GRAMD1B: variants seen among roughly 807,000 people sequenced by gnomAD.
The protein encoded by GRAMD1B is protein Aster-B.
In GRAMD1B, 37 loss-of-function variants were observed where a neutral mutation model predicts 99.7. The observed-to-expected ratio is 0.37, with a 90% CI of 0.29 to 0.49. The LOEUF is 0.49. Ranked by LOEUF, GRAMD1B falls within the 20% of genes least tolerant of loss-of-function variation. GRAMD1B has a pLI of 0.98. For synonymous variants in GRAMD1B, 427 were observed against 387.6 expected (o/e 1.10, Z -1.19); for missense variants, 888 against 1,009.2 (o/e 0.88, Z 1.63).
chr11:123,474,422 G>A (rs561312221), intron 1 of GRAMD1B, among the ~76,000 whole-genome samples: 3 of 152,262 alleles, frequency 2.0e-5, no homozygotes, highest in Non-Finnish European at 2.9e-5. Flanking sequence ...TCTCTCTGAC[G>A]CCATATCCTG....
chr11:123,515,860 G>A (rs1007575112), intron 2 of GRAMD1B, among the ~76,000 whole-genome samples: 3 of 151,418 alleles, frequency 2.0e-5, no homozygotes, highest in East Asian at 1.9e-4. Context: ...TTCCGCCTCC[G>A]GGGCTCCAGC....
chr11:123,368,275 A>AAAAAAAAGAAAG (rs60644137), intron 1 of GRAMD1B, among the ~76,000 whole-genome samples: 29 of 127,108 alleles, frequency 2.3e-4, no homozygotes, highest in South Asian at 4.7e-4. Context: ...AAAAAAAAAA[A>AAAAAAAAGAAAG]AAAGAAAGAA....
At chr11:123,375,419 G>A (rs1049947497) in intron 1 of GRAMD1B, among the ~76,000 whole-genome samples, 1 of 152,042 alleles carries the variant, frequency 6.6e-6, no homozygotes, top group African/African-American at 2.4e-5. Flanking sequence ...AAGAGAGAGA[G>A]ACAAGCAAGC....
At chr11:123,581,605 C>T (rs1347578463) in intron 3 of GRAMD1B, among the ~76,000 whole-genome samples, 2 of 152,172 alleles carry the variant, frequency 1.3e-5, no homozygotes, top group African/African-American at 4.8e-5. Flanking sequence ...TCCTGTGGCC[C>T]CTCAGTGGCA....
chr11:123,430,948 G>A lies in GRAMD1B; in HGVS notation c.156G>A (p.Gln52=), dbSNP rs1234265895. The A allele has an allele frequency of 4.3e-6, 3 of 702,866 alleles. No individual in the cohort carries two copies. The highest frequency in any genetic ancestry group is 2.0e-5 in the Admixed American group (1 of 50,024). The allele number at this position is 702,866 out of a possible 1,614,324, so 43.5% of individuals were successfully genotyped here. A position where few individuals can be genotyped will look rare whatever the true frequency, so the allele number is the denominator to read the frequency against. The change falls in exon 1 of 20, where the codon CAG becomes CAA. Residue 52 remains glutamine (Q), a synonymous_variant. Transcript: ENST00000635736. ...AGATGCGCCGCATGAAGAACGTACA[G>A]GAGCAGAGCCTGGAGGCCGGGCTGG... The part of the protein sequence containing the change: ...RFKMRRMKNV[Q]EQSLEAGLAR...
intron 7 of GRAMD1B, chr11:123,598,146 T>C: frequency 6.3e-7 from 1 of 1,576,378 alleles, no homozygotes; most frequent in South Asian, 1.1e-5. Flanking sequence ...AAACACCTCA[T>C]GCCATGCCAT....
intron 2 of GRAMD1B, chr11:123,560,368 A>C: frequency 8.5e-7 from 1 of 1,176,968 alleles, no homozygotes; most frequent in South Asian, 1.6e-5. Context: ...ACCAAATAAC[A>C]GCAGCAGAGG....
Position 123,624,950 on chromosome 11 carries a change from C to T in GRAMD1B, c.*2355C>T, listed in dbSNP as rs1193777719. 1 of 152,110 alleles carries T rather than the reference C, an allele frequency of 6.6e-6. No homozygotes were observed. The highest frequency in any genetic ancestry group is 6.5e-5 in the Admixed American group (1 of 15,268). 9.4% of individuals were successfully genotyped at this position (152,110 alleles called of 1,614,324 possible). ...GTACTGAGTATGTCAGAAGAGCCCT[C>T]CTGGTTTTTTAGCGATTTGAACCCA... On this transcript the variant is annotated 3_prime_UTR_variant, in exon 20 of 20. Coordinates refer to ENST00000635736, the MANE Select transcript of GRAMD1B (RefSeq NM_001387025.1).
intron 2 of GRAMD1B, among the ~76,000 whole-genome samples, chr11:123,559,121 G>A (rs1475183504): frequency 1.3e-5 from 2 of 152,214 alleles, no homozygotes; most frequent in African/African-American, 4.8e-5. Flanking sequence ...GAATAGCAAC[G>A]TGGGCATCGC....
intron 2 of GRAMD1B, among the ~76,000 whole-genome samples, chr11:123,500,739 C>G (rs937460430): frequency 1.3e-5 from 2 of 151,950 alleles, no homozygotes; most frequent in Non-Finnish European, 2.9e-5. Flanking sequence ...GTGGCGCGAT[C>G]GCGGCTTACT....
At chr11:123,477,535 G>A (rs759433506) in intron 1 of GRAMD1B, among the ~76,000 whole-genome samples, 1 of 150,524 alleles carries the variant, frequency 6.6e-6, no homozygotes. Flanking sequence ...TCCTAGTTTA[G>A]AGTTTCTTTT....
At chr11:123,458,466 C>A (rs1437782407) in intron 1 of GRAMD1B, 1 of 152,226 alleles carries the variant, frequency 6.6e-6, no homozygotes, top group Admixed American at 6.5e-5. Context: ...ACATGCTGAT[C>A]TCTTCTGGCA....
intron 1 of GRAMD1B, among the ~76,000 whole-genome samples, chr11:123,472,318 A>G (rs2134684941): frequency 6.6e-6 from 1 of 152,070 alleles, no homozygotes; most frequent in Middle Eastern, 3.4e-3. Flanking sequence ...TTCAGAGGTG[A>G]ACTATTTTAT....
chr11:123,490,109 T>C (rs1938377462), intron 2 of GRAMD1B, among the ~76,000 whole-genome samples: 1 of 152,178 alleles, frequency 6.6e-6, no homozygotes, highest in Non-Finnish European at 1.5e-5. Context: ...TCCAGTCTTG[T>C]TGAAGGGACA....
chr11:123,578,801 T>C (rs568396494), intron 3 of GRAMD1B, among the ~76,000 whole-genome samples: 1 of 152,294 alleles, frequency 6.6e-6, no homozygotes, highest in East Asian at 1.9e-4. Context: ...CTGGTTGTAC[T>C]CCAGGCCCCT....
At chr11:123,560,070 C>G (rs1055387484) in intron 2 of GRAMD1B, among the ~76,000 whole-genome samples, 5 of 150,770 alleles carry the variant, frequency 3.3e-5, no homozygotes, top group East Asian at 1.9e-4. Flanking sequence ...AAATAACCCC[C>G]CCCCCCGCAG....
At chr11:123,602,900 A>C (rs891378129) in intron 8 of GRAMD1B, among the ~76,000 whole-genome samples, 1 of 152,200 alleles carries the variant, frequency 6.6e-6, no homozygotes, top group Admixed American at 6.5e-5. Context: ...CTGTCCAGCT[A>C]TGGAATGGGC....
At chr11:123,419,750 T>TGAGAAAGAGAAA (rs148666886) in intron 1 of GRAMD1B, among the ~76,000 whole-genome samples, 9 of 133,112 alleles carry the variant, frequency 6.8e-5, no homozygotes, top group African/African-American at 2.5e-4. Flanking sequence ...TGTGTGTGAA[T>TGAGAAAGAGAAA]GAGAAAGAGA....
intron 2 of GRAMD1B, among the ~76,000 whole-genome samples, chr11:123,518,799 G>A (rs1264428618): frequency 6.6e-6 from 1 of 152,120 alleles, no homozygotes; most frequent in Non-Finnish European, 1.5e-5. Context: ...CCTCAGTCTT[G>A]CTTCCTCCCC....
Sources: gnomAD v4.1 joint callset for allele counts (sites outside exome capture counted in the v4.1 genomes callset) on GRCh38, gnomAD v4.1.1 for gene constraint, MANE v1.5 for transcripts, NCBI Gene and HGNC (gene_info 2026-07-23, HGNC 2026-07-21) for gene names.